The following SMAD4 variants were observed in gnomAD, a reference collection of about 807,000 sequenced individuals.
SMAD4 encodes the protein SMAD family member 4.
In SMAD4, 7 loss-of-function variants were observed where a neutral mutation model predicts 63.2. That is an observed-to-expected ratio of 0.11 (90% CI 0.06 to 0.21). The LOEUF is 0.21. Among genes scored for constraint, SMAD4 ranks in the 10% least tolerant of loss-of-function variants. The probability of loss-of-function intolerance (pLI) is 1.00; values close to 1 mark genes in which losing one functional copy is unlikely to be tolerated. For missense variants in SMAD4, 312 were observed against 693.8 expected, an observed-to-expected ratio of 0.45 and a Z score of 6.18; for synonymous variants, 215 against 235.4, an observed-to-expected ratio of 0.91 and a Z score of 0.79.
At chr18:51,052,419 A>G (rs1327249923) in intron 4 of SMAD4, 1 of 153,504 alleles carries the variant, frequency 6.5e-6, no homozygotes, top group East Asian at 1.9e-4. Context: ...AAAAGACTGC[A>G]AACTCCATGA....
chr18:51,066,198 G>A (rs950661840), intron 9 of SMAD4, among the ~76,000 whole-genome samples: 1 of 151,940 alleles, frequency 6.6e-6, no homozygotes, highest in African/African-American at 2.4e-5. Context: ...CCAAAAATTA[G>A]CCATATGTGG....
intron 8 of SMAD4, among the ~76,000 whole-genome samples, chr18:51,062,031 A>G (rs905433505): frequency 6.6e-6 from 1 of 152,222 alleles, no homozygotes; most frequent in African/African-American, 2.4e-5. Context: ...AACCAGGGTT[A>G]CTGTGCTGGC....
chr18:51,073,207 C>G (rs962070100), intron 10 of SMAD4, among the ~76,000 whole-genome samples: 1 of 150,860 alleles, frequency 6.6e-6, no homozygotes, highest in African/African-American at 2.4e-5. Context: ...ATCCTAATTG[C>G]GATTATTTAC....
chr18:51,055,437 C>T (rs905335897), intron 5 of SMAD4, among the ~76,000 whole-genome samples: 1 of 151,716 alleles, frequency 6.6e-6, no homozygotes, highest in African/African-American at 2.4e-5. Flanking sequence ...GGGATCTTGA[C>T]AAATTTGTTA....
chr18:51,034,721 T>C (rs1053838887), intron 1 of SMAD4, among the ~76,000 whole-genome samples: 1 of 151,762 alleles, frequency 6.6e-6, no homozygotes, highest in Non-Finnish European at 1.5e-5. Flanking sequence ...TTTTGAAAAA[T>C]TTTTGTAGAG....
At chr18:51,031,610 T>C (rs1185420528) in intron 1 of SMAD4, among the ~76,000 whole-genome samples, 2 of 152,198 alleles carry the variant, frequency 1.3e-5, no homozygotes. Flanking sequence ...TAATCTTAGC[T>C]AATTTTTGTT....
At chr18:51,070,304 A>G (rs1910283391) in intron 10 of SMAD4, among the ~76,000 whole-genome samples, 1 of 152,192 alleles carries the variant, frequency 6.6e-6, no homozygotes, top group Non-Finnish European at 1.5e-5. Context: ...ATATTTTGGT[A>G]CAGATGGCCT....
At chr18:51,030,821 C>T (rs1909024895) in intron 1 of SMAD4, among the ~76,000 whole-genome samples, 198 bp downstream of exon 1, 1 of 151,766 alleles carries the variant, frequency 6.6e-6, no homozygotes, top group Non-Finnish European at 1.5e-5. Context: ...GGCGGCGGTG[C>T]CTCGCGTCCC....
intron 1 of SMAD4, among the ~76,000 whole-genome samples, chr18:51,032,409 C>T (rs1909077674): frequency 6.6e-6 from 1 of 152,150 alleles, no homozygotes; most frequent in East Asian, 1.9e-4. Context: ...GAGAAAGTCA[C>T]TTTGAAATAT....
chr18:51,057,529 T>C (rs1312083696), intron 5 of SMAD4, among the ~76,000 whole-genome samples: 1 of 152,182 alleles, frequency 6.6e-6, no homozygotes, highest in Admixed American at 6.5e-5. Context: ...GAAAGTAGAC[T>C]GATAGTTTTT....
intron 8 of SMAD4, among the ~76,000 whole-genome samples, chr18:51,061,666 A>C (rs1305961244): frequency 2.0e-5 from 3 of 152,208 alleles, no homozygotes; most frequent in African/African-American, 7.2e-5. Context: ...AGTAATGACC[A>C]ATCTTGTTTC....
rs1306423305 is a variant in SMAD4, at chr18:51,067,171, C to T, written c.1292C>T (p.Pro431Leu). 6.3e-7 allele frequency: 1 copy of T among 1,583,268 alleles called. No homozygotes were observed. Among genetic ancestry groups the T allele is most frequent in the Admixed American group, 1.7e-5 (1 of 59,960 alleles). Residue 431 changes from proline (P) to leucine (L), a missense_variant, in exon 10 of 12, where the codon CCA becomes CTA. By Grantham distance (98) the Pro-to-Leu change is moderately conservative. This residue lies in a region of SMAD4 where 92 missense variants were observed against 305.9 expected (regional missense o/e 0.30). Transcript: ENST00000342988. ...GGAGATGCTGTTCATAAGATCTACC[C>T]AAGTGCATATATAAAGGTTAGTTAC... ...APGDAVHKIY[P>L]SAYIKVFDLR...
At chr18:51,035,715 T>C (rs1355381479) in intron 1 of SMAD4, among the ~76,000 whole-genome samples, 1 of 152,242 alleles carries the variant, frequency 6.6e-6, no homozygotes, top group Non-Finnish European at 1.5e-5. Flanking sequence ...GCCAGCTAGC[T>C]AGTACTTCTG....
At chr18:51,068,416 A>T (rs1349460882) in intron 10 of SMAD4, among the ~76,000 whole-genome samples, 1 of 152,172 alleles carries the variant, frequency 6.6e-6, no homozygotes, top group Non-Finnish European at 1.5e-5. Flanking sequence ...TAACTCATAA[A>T]ATACTCCTGT....
chr18:51,061,936 T>C (rs866228527), intron 8 of SMAD4, among the ~76,000 whole-genome samples: 8 of 152,342 alleles, frequency 5.3e-5, no homozygotes, highest in Middle Eastern at 6.8e-3. Context: ...ATCTTTGTGT[T>C]TATAACTTTT....
At chr18:51,076,263 G>A (rs543260206) in intron 10 of SMAD4, among the ~76,000 whole-genome samples, 184 of 152,282 alleles carry the variant, frequency 1.2e-3, no homozygotes, top group African/African-American at 4.2e-3. Context: ...GGCGACCAAA[G>A]CTATCAACTC....
At chr18:51,051,838 C>T (rs1909722488) in intron 4 of SMAD4, among the ~76,000 whole-genome samples, 1 of 151,740 alleles carries the variant, frequency 6.6e-6, no homozygotes, top group Admixed American at 6.6e-5. Context: ...CGGAGTTTCG[C>T]TCTTGTTGCC....
intron 4 of SMAD4, 187 bp from the exon 5 acceptor site, chr18:51,054,594 C>T (rs1307055159): frequency 4.6e-5 from 27 of 582,808 alleles, no homozygotes; most frequent in Middle Eastern, 9.2e-4. Context: ...ATGCTGTTAC[C>T]GCTGAATAAA....
chr18:51,061,017 A>T (rs1909997565), intron 8 of SMAD4, among the ~76,000 whole-genome samples: 1 of 151,934 alleles, frequency 6.6e-6, no homozygotes, highest in Non-Finnish European at 1.5e-5. Context: ...GGGATTATAG[A>T]CGTGAGCCAC....
Sources: gnomAD v4.1 joint callset for allele counts (sites outside exome capture counted in the v4.1 genomes callset) on GRCh38, gnomAD v4.1.1 for gene constraint, gnomAD v4.1.1 regional missense constraint, MANE v1.5 for transcripts, NCBI Gene and HGNC (gene_info 2026-07-23, HGNC 2026-07-21) for gene names.